The following LPCAT2 variants were observed in gnomAD, a reference collection of about 807,000 sequenced individuals.
LPCAT2 encodes 1-AGP acyltransferase 11.
In LPCAT2, 58 loss-of-function variants were observed where a neutral mutation model predicts 64.7. That is an observed-to-expected ratio of 0.90 (90% CI 0.73 to 1.12). The LOEUF (loss-of-function observed/expected upper bound fraction) is 1.12, where lower values mean the gene tolerates loss of function less well. Among genes scored for constraint, LPCAT2 ranks in the 50% most tolerant of loss-of-function variants. The pLI is 0.00. For missense variants in LPCAT2, 579 were observed against 669.8 expected (o/e 0.86, Z 1.50); for synonymous variants, 252 against 245.3 (o/e 1.03, Z -0.26).
intron 8 of LPCAT2, 182 bp from the exon 9 acceptor site, chr16:55,545,553 A>C: frequency 2.1e-6 from 1 of 481,456 alleles, no homozygotes; most frequent in East Asian, 3.3e-5. Context: ...GTTAACACAC[A>C]AGCAGACCCA....
Position 55,529,928 on chromosome 16 carries a change from C to A in LPCAT2, c.623C>A (p.Ser208Ter), listed in dbSNP as rs1963229862. Residue 208 changes from serine (S) to a stop codon, truncating the protein, a stop_gained, in exon 4 of 14, where the codon TCA (serine) becomes TAA (stop). Coordinates refer to ENST00000262134, the MANE Select transcript of LPCAT2 (RefSeq NM_017839.5). LOFTEE classifies it high-confidence loss of function. ...AATGAAATAATAAAGCGAACAACAT[C>A]AGGAGGAGAATGGCCCCAGGTAAAA... ...TINEIIKRTT[S>*]GGEWPQILVF... 3 of 1,610,212 alleles carry A rather than the reference C, an allele frequency of 1.9e-6. No individual in the cohort carries two copies. In the African/African-American group the frequency reaches 4.0e-5, roughly 22 times the overall value.
chr16:55,540,744 G>C, intron 8 of LPCAT2: 1 of 198,546 alleles, frequency 5.0e-6, no homozygotes, highest in East Asian at 1.5e-4. Context: ...TATCTGTAGG[G>C]GATATGTTCC....
At chr16:55,544,920 T>G (rs1193527192) in intron 8 of LPCAT2, among the ~76,000 whole-genome samples, 1 of 152,152 alleles carries the variant, frequency 6.6e-6, no homozygotes, top group African/African-American at 2.4e-5. Context: ...TTGGGGGTAA[T>G]AAGGGTAATG....
chr16:55,541,875 G>A (rs1242587586), intron 8 of LPCAT2: 7 of 1,287,668 alleles, frequency 5.4e-6, no homozygotes, highest in African/African-American at 3.0e-5. Context: ...AGCAAGCATT[G>A]TTTAAAAATA....
At chr16:55,580,715 G>A (rs956266180) in intron 13 of LPCAT2, among the ~76,000 whole-genome samples, 1 of 152,110 alleles carries the variant, frequency 6.6e-6, no homozygotes, top group African/African-American at 2.4e-5. Flanking sequence ...GACCGGTGCC[G>A]ATCTGTGGCC....
At chr16:55,567,479 G>A (rs1232902074) in intron 11 of LPCAT2, 2 of 1,613,312 alleles carry the variant, frequency 1.2e-6, no homozygotes, top group Non-Finnish European at 1.7e-6. Context: ...TCAAAGAATG[G>A]CTGCAGTTGA....
chr16:55,579,171 T>C lies in LPCAT2; in HGVS notation c.1377T>C (p.Ala459=). Residue 459 remains alanine, a synonymous_variant, in exon 13 of 14, where the codon GCT becomes GCC. Transcript: ENST00000262134. The part of the protein sequence containing the change: ...TEEEFSTILQ[A]SLGVPDLDVS... ...AAGAGTTCTCCACCATTCTACAGGC[T>C]TCCCTTGGAGTGCCTGACCTTGATG... 6.2e-7 allele frequency: 1 copy of C among 1,613,416 alleles called. No individual in the cohort carries two copies. The highest frequency in any genetic ancestry group is 8.5e-7 in the Non-Finnish European group (1 of 1,179,504).
At chr16:55,534,262 T>G (rs938056240) in intron 6 of LPCAT2, among the ~76,000 whole-genome samples, 181 bp from the exon 7 acceptor site, 1 of 152,172 alleles carries the variant, frequency 6.6e-6, no homozygotes, top group African/African-American at 2.4e-5. Flanking sequence ...TATGTAGATA[T>G]GTAATCCAAG....
chr16:55,519,337 A>G (rs1464471392), intron 1 of LPCAT2, among the ~76,000 whole-genome samples: 3 of 115,286 alleles, frequency 2.6e-5, no homozygotes, highest in Non-Finnish European at 3.9e-5. Flanking sequence ...CGTCTCTACT[A>G]AAAAAAAAAA....
intron 1 of LPCAT2, among the ~76,000 whole-genome samples, chr16:55,515,110 C>T (rs1325002527): frequency 6.6e-6 from 1 of 151,958 alleles, no homozygotes; most frequent in Non-Finnish European, 1.5e-5. Flanking sequence ...ATGGGAGTCC[C>T]AGGAAAGGAG....
intron 9 of LPCAT2, among the ~76,000 whole-genome samples, chr16:55,547,767 T>A (rs536540787): frequency 6.6e-6 from 1 of 152,274 alleles, no homozygotes; most frequent in East Asian, 1.9e-4. Flanking sequence ...TAGAAATTTT[T>A]TTTTTGTTTT....
Position 55,578,604 on chromosome 16 carries a change from C to G in LPCAT2, c.1315-505C>G, listed in dbSNP as rs145134651. Among the ~76,000 whole-genome samples, 319 of 152,250 alleles carry G rather than the reference C, an allele frequency of 2.1e-3. 1 individual carries two copies. The highest frequency in any genetic ancestry group is 7.5e-3 in the African/African-American group (313 of 41,554). On this transcript the variant is annotated intron_variant, in intron 12 of 13. Transcript: ENST00000262134. The stretch of plus-strand genomic sequence containing the variant: ...AACCTCTTGCTCCCAATTCATCCTC[C>G]ATACTCTGCCTCAAAGTTTTCTCAG...
intron 1 of LPCAT2, among the ~76,000 whole-genome samples, chr16:55,517,081 G>A (rs1370387833): frequency 1.3e-5 from 2 of 151,876 alleles, no homozygotes; most frequent in Non-Finnish European, 2.9e-5. Context: ...AACTCCAGAA[G>A]TTGGTACTCT....
At chr16:55,581,845 T>C (rs8044653) in intron 13 of LPCAT2, among the ~76,000 whole-genome samples, 82,698 of 151,890 alleles carry the variant, frequency 0.54, 22,909 homozygotes, top group East Asian at 0.73. Flanking sequence ...GAGGTTCAAG[T>C]CCTGATAGTT....
chr16:55,576,743 G>T (rs1432481369), intron 12 of LPCAT2, among the ~76,000 whole-genome samples: 1 of 152,118 alleles, frequency 6.6e-6, no homozygotes, highest in Admixed American at 6.6e-5. Flanking sequence ...GGAAACTGAG[G>T]TGTTAAACTT....
intron 11 of LPCAT2, chr16:55,567,765 G>A: frequency 2.6e-6 from 1 of 380,662 alleles, no homozygotes; most frequent in Non-Finnish European, 4.9e-6. Context: ...GGGAGGTTGT[G>A]GGGTAGAGTT....
At chr16:55,541,061 A>G (rs1404838614) in intron 8 of LPCAT2, 1 of 152,148 alleles carries the variant, frequency 6.6e-6, no homozygotes, top group African/African-American at 2.4e-5. Flanking sequence ...ATGGCATGCA[A>G]TTTAAACTTA....
chr16:55,513,322 C>T (rs1017156214), intron 1 of LPCAT2, among the ~76,000 whole-genome samples: 2 of 151,960 alleles, frequency 1.3e-5, no homozygotes, highest in African/African-American at 2.4e-5. Flanking sequence ...ACTGTTATAT[C>T]TGAAATGAAA....
intron 4 of LPCAT2, 31 bp from the exon 5 acceptor site, chr16:55,531,883 G>A: frequency 7.4e-7 from 1 of 1,350,440 alleles, no homozygotes. Flanking sequence ...TAATTAGATT[G>A]AAATATTAAA....
Sources: gnomAD v4.1 joint callset for allele counts (sites outside exome capture counted in the v4.1 genomes callset) on GRCh38, gnomAD v4.1.1 for gene constraint, MANE v1.5 for transcripts, NCBI Gene and HGNC (gene_info 2026-07-23, HGNC 2026-07-21) for gene names.